Variants in KLHL2 observed in about 807,000 individuals in gnomAD.
The protein encoded by KLHL2 is kelch-like protein 2.
KLHL2 carries 15 observed loss-of-function variants against 75.8 expected under a neutral mutation model. The ratio of observed to expected loss-of-function variants is 0.20; its 90% confidence interval spans 0.13 to 0.30. The LOEUF (loss-of-function observed/expected upper bound fraction) is 0.30. Among genes scored for constraint, KLHL2 ranks in the 10% least tolerant of loss-of-function variants. The probability of loss-of-function intolerance (pLI) is 1.00; values close to 1 mark genes in which losing one functional copy is unlikely to be tolerated. For missense variants in KLHL2, 381 were observed against 741.0 expected, an observed-to-expected ratio of 0.51 and a Z score of 5.64; for synonymous variants, 214 against 251.9, an observed-to-expected ratio of 0.85 and a Z score of 1.42.
intron 3 of KLHL2, among the ~76,000 whole-genome samples, chr4:165,237,033 G>A (rs1169322507): frequency 6.8e-6 from 1 of 147,862 alleles, no homozygotes; most frequent in African/African-American, 2.5e-5. Flanking sequence ...GTGCTCATGT[G>A]GCCCCAGGCC....
intron 5 of KLHL2, among the ~76,000 whole-genome samples, chr4:165,286,715 C>T (rs558114030): frequency 6.6e-6 from 1 of 152,336 alleles, no homozygotes; most frequent in African/African-American, 2.4e-5. Context: ...GCAGAGGCTT[C>T]AGAATTGAGA....
At chr4:165,220,250 C>G (rs1427510968) in intron 2 of KLHL2, among the ~76,000 whole-genome samples, 191 bp downstream of exon 2, 5 of 152,008 alleles carry the variant, frequency 3.3e-5, no homozygotes, top group African/African-American at 7.3e-5. Context: ...TGGGGCTCCT[C>G]TATTAGTGTG....
At position 165,307,798 on chromosome 4, in the gene KLHL2, TTTG is replaced by T. The variant is rs1192800325; in HGVS notation, c.1039+2079_1039+2081del. Among the ~76,000 whole-genome samples the T allele has an allele frequency of 9.2e-5, 14 of 152,280 alleles. No individual in the cohort carries two copies. The East Asian group carries it at 2.3e-3, about 25-fold the overall frequency. On this transcript the variant is annotated intron_variant, in intron 9 of 14. Transcript: ENST00000226725. ...ATGACAAAATTATATTTTAAAAACA[TTTG>T]TTGTTCTAGTACCTTTACAGTTTTA...
chr4:165,279,483 G>C (rs763336064), intron 5 of KLHL2: 3 of 1,585,498 alleles, frequency 1.9e-6, no homozygotes, highest in Non-Finnish European at 2.6e-6. Flanking sequence ...TTAGGGTCCT[G>C]TTCCACCCAT....
intron 5 of KLHL2, among the ~76,000 whole-genome samples, chr4:165,268,955 C>A (rs1309530080): frequency 6.6e-6 from 1 of 152,134 alleles, no homozygotes; most frequent in Non-Finnish European, 1.5e-5. Context: ...GAGTCTAAGT[C>A]TCTTTTTAGG....
chr4:165,255,437 A>G (rs576665100), intron 4 of KLHL2, among the ~76,000 whole-genome samples: 23 of 152,072 alleles, frequency 1.5e-4, no homozygotes, highest in South Asian at 1.2e-3. Flanking sequence ...GGACATACCT[A>G]TTCCTAGGGG....
chr4:165,303,423 A>G (rs1284489779), intron 8 of KLHL2, among the ~76,000 whole-genome samples: 1 of 151,514 alleles, frequency 6.6e-6, no homozygotes, highest in Non-Finnish European at 1.5e-5. Flanking sequence ...GCAGTTTTGA[A>G]GTTTTGAACA....
chr4:165,300,313 AAG>A (rs1332355039), intron 8 of KLHL2, among the ~76,000 whole-genome samples: 2 of 152,046 alleles, frequency 1.3e-5, no homozygotes, highest in Admixed American at 6.6e-5. Context: ...AAAAAAAAAA[AAG>A]AATTATTTTG....
chr4:165,271,407 T>C (rs535172964), intron 5 of KLHL2, among the ~76,000 whole-genome samples: 1 of 152,334 alleles, frequency 6.6e-6, no homozygotes, highest in East Asian at 1.9e-4. Context: ...TTTTATTTTG[T>C]AGCTATTATA....
intron 1 of KLHL2, chr4:165,209,917 C>T (rs1737086026): frequency 9.7e-7 from 1 of 1,034,112 alleles, no homozygotes; most frequent in Non-Finnish European, 1.4e-6. Context: ...ACCCCTTGGC[C>T]TGTTTGCCTC....
intron 1 of KLHL2, among the ~76,000 whole-genome samples, chr4:165,219,228 A>G (rs553985425): frequency 1.2e-3 from 179 of 152,088 alleles, no homozygotes; most frequent in African/African-American, 4.2e-3. Context: ...AGTGAAAAGA[A>G]CAAGATGGAG....
rs189141419 is a variant in KLHL2 at position 165,257,425 on chromosome 4, G to T, written c.382-5772G>T. 2.3e-3 allele frequency among the ~76,000 whole-genome samples: 344 copies of T among 152,322 alleles called. 2 individuals are homozygous for T. Among genetic ancestry groups the T allele is most frequent in the African/African-American group, 8.1e-3 (335 of 41,576 alleles). On this transcript the variant is annotated intron_variant, in intron 4 of 14. Coordinates refer to ENST00000226725, the MANE Select transcript of KLHL2 (RefSeq NM_007246.4). Reference sequence around the variant, plus strand: ...GGGTGGTCCCACAGCATTATTTCCTGCATGCTTCCAGACTGTGTGGGTATG... The same window carrying T: ...GGGTGGTCCCACAGCATTATTTCCTTCATGCTTCCAGACTGTGTGGGTATG...
At chr4:165,286,770 G>A (rs911022295) in intron 5 of KLHL2, among the ~76,000 whole-genome samples, 1 of 152,230 alleles carries the variant, frequency 6.6e-6, no homozygotes, top group Non-Finnish European at 1.5e-5. Context: ...AGGTAGGACA[G>A]CAGCCAAACA....
chr4:165,316,470 T>C (rs1396104743), intron 13 of KLHL2, among the ~76,000 whole-genome samples: 3 of 152,204 alleles, frequency 2.0e-5, no homozygotes, highest in African/African-American at 7.2e-5. Context: ...TGAGTTTTTT[T>C]CCTACAAAGT....
intron 9 of KLHL2, among the ~76,000 whole-genome samples, chr4:165,307,738 C>G (rs1016877534): frequency 2.0e-5 from 3 of 152,086 alleles, no homozygotes; most frequent in Non-Finnish European, 4.4e-5. Flanking sequence ...ACCTTGTTCT[C>G]TTGGTTAAGG....
chr4:165,259,104 CTT>C (rs1198928728), intron 4 of KLHL2, among the ~76,000 whole-genome samples: 1 of 146,428 alleles, frequency 6.8e-6, no homozygotes, highest in Non-Finnish European at 1.5e-5. Context: ...AACCTATATT[CTT>C]TTTTTTTTTT....
intron 5 of KLHL2, among the ~76,000 whole-genome samples, chr4:165,274,380 C>G (rs1742915260): frequency 6.6e-6 from 1 of 152,060 alleles, no homozygotes; most frequent in African/African-American, 2.4e-5. Context: ...GAGGCCGAGG[C>G]AGGCAGATCA....
intron 5 of KLHL2, among the ~76,000 whole-genome samples, chr4:165,280,870 T>C (rs985159422): frequency 7.9e-5 from 12 of 152,246 alleles, no homozygotes; most frequent in Non-Finnish European, 1.5e-4. Context: ...ACATGGTTTT[T>C]TTCTCCTAAA....
In KLHL2 at chr4:165,322,572, T is replaced by C. The variant is rs1055457828; in HGVS notation, c.*512T>C. ...TTGATTACATGAATATAATAAATTA[T>C]GTGCATATAAATGTGTGTCTATATG... On this transcript the variant is annotated 3_prime_UTR_variant, in exon 15 of 15. Transcript: ENST00000226725. 6.5e-6 allele frequency: 1 copy of C among 152,918 alleles called. No individual in the cohort carries two copies. The highest frequency in any genetic ancestry group is 6.5e-5 in the Admixed American group (1 of 15,316). 9.5% of individuals were successfully genotyped at this position (152,918 alleles called of 1,614,324 possible). A position where few individuals can be genotyped will look rare whatever the true frequency, so the allele number is the denominator to read the frequency against.
Sources: gnomAD v4.1 joint callset for allele counts (sites outside exome capture counted in the v4.1 genomes callset) on GRCh38, gnomAD v4.1.1 for gene constraint, MANE v1.5 for transcripts, NCBI Gene and HGNC (gene_info 2026-07-23, HGNC 2026-07-21) for gene names.